Variants in RABL2B observed in about 807,000 individuals in gnomAD.
The protein encoded by RABL2B is rab-like protein 2B.
Under a neutral mutation model 26.7 loss-of-function variants are expected in RABL2B, and 17 were observed. The ratio of observed to expected loss-of-function variants is 0.64; its 90% CI spans 0.44 to 0.95. RABL2B has a LOEUF of 0.95. RABL2B is among the 40% of genes least tolerant of loss of function. The probability of loss-of-function intolerance (pLI) is 0.00; values close to 1 mark genes in which losing one functional copy is unlikely to be tolerated. For synonymous variants in RABL2B, 70 were observed against 103.9 expected (o/e 0.67, Z 1.99); for missense variants, 170 against 277.2 (o/e 0.61, Z 2.75).
chr22:50,777,127 A>G (rs1555924992), intron 3 of RABL2B, among the ~76,000 whole-genome samples: 1 of 152,232 alleles, frequency 6.6e-6, no homozygotes, highest in East Asian at 1.9e-4. Context: ...CTAGGTAGCA[A>G]CATGACCATT....
chr22:50,771,411 G>C (rs1555918483), intron 5 of RABL2B: 1 of 150,604 alleles, frequency 6.6e-6, no homozygotes. Flanking sequence ...GGAGTAGCTG[G>C]GATTACAGGT....
At chr22:50,781,359 A>C (rs2085835707) in intron 2 of RABL2B, among the ~76,000 whole-genome samples, 1 of 151,216 alleles carries the variant, frequency 6.6e-6, no homozygotes. Flanking sequence ...AAAAAAAAAA[A>C]AAACTAAACC....
chr22:50,771,746 C>G (rs1420053174), intron 5 of RABL2B: 1 of 149,172 alleles, frequency 6.7e-6, no homozygotes, highest in Non-Finnish European at 1.5e-5. Context: ...GTAGCTGGAA[C>G]TACAGGCACA....
intron 2 of RABL2B, among the ~76,000 whole-genome samples, chr22:50,779,389 T>C (rs868973976): frequency 2.0e-5 from 3 of 150,228 alleles, no homozygotes; most frequent in Middle Eastern, 3.4e-3. Flanking sequence ...CAAAAATATT[T>C]AGAGTAGGCA....
At chr22:50,772,242 T>A in intron 5 of RABL2B, 2 of 716,374 alleles carry the variant, frequency 2.8e-6, no homozygotes, top group Non-Finnish European at 3.4e-6. Context: ...TTGGTCAGGC[T>A]GGTCTCGAAC....
At chr22:50,780,522 T>C (rs1240602478) in intron 2 of RABL2B, 1 of 366,414 alleles carries the variant, frequency 2.7e-6, no homozygotes, top group Non-Finnish European at 5.6e-6. Context: ...TTAGCCCAAC[T>C]GAGTTTAGAT....
Position 50,768,787 on chromosome 22 carries a change from G to C in RABL2B, c.679C>G (p.Pro227Ala). The C allele has an allele frequency of 1.2e-6, 2 of 1,613,894 alleles. No individual in the cohort carries two copies. The highest frequency in any genetic ancestry group is 2.2e-5 in the South Asian group (2 of 91,074). The change falls in exon 9 of 9, where the codon CCC (proline) becomes GCC (alanine). Residue 227 changes from proline to alanine, a missense_variant. Coordinates refer to ENST00000691320, the MANE Select transcript of RABL2B (RefSeq NM_001130919.3). ...IETPSEEAASPHS is the reference protein window; with the variant it reads ...IETPSEEAASAHS ...CTAGCCCCAGCCCCTCAGCTGTGGGGAGAGGCCGCCTCCTCTGATGGGGTC... is the reference window on the plus strand; with the variant it reads ...CTAGCCCCAGCCCCTCAGCTGTGGGCAGAGGCCGCCTCCTCTGATGGGGTC...
intron 5 of RABL2B, among the ~76,000 whole-genome samples, chr22:50,775,518 CTACACCTG>C (rs1465507173): frequency 6.6e-6 from 1 of 152,180 alleles, no homozygotes; most frequent in African/African-American, 2.4e-5. Flanking sequence ...CTCTTGGATG[CTACACCTG>C]ATGTTGAAGC....
At position 50,769,068 on chromosome 22, in the gene RABL2B, G is replaced by A. The variant is rs2083757680; in HGVS notation, c.564C>T (p.Phe188=). The change falls in exon 8 of 9, where the codon TTC becomes TTT. Residue 188 remains phenylalanine, a synonymous_variant. Transcript: ENST00000691320. ...CGAGCTCCTGAAAAATCTCATCCAT[G>A]AAGTCCTGGGAGTTCTGTTTGTAAG... ...AVSYKQNSQD[F]MDEIFQELEN... The A allele has an allele frequency of 2.0e-6, 2 of 982,782 alleles. No individual in the cohort carries two copies. The highest frequency in any genetic ancestry group is 3.0e-6 in the Non-Finnish European group (2 of 661,478). The allele number at this position is 982,782 out of a possible 1,614,324, so 60.9% of individuals were successfully genotyped here. A position where few individuals can be genotyped will look rare whatever the true frequency, so the allele number is the denominator to read the frequency against.
rs2083621243 is a variant in RABL2B, at chr22:50,767,878, T to G, written c.*898A>C. On this transcript the variant is annotated 3_prime_UTR_variant, in exon 9 of 9. Transcript: ENST00000691320. ...ACCTGCTGTTCCTGTGATCTCAGCT[T>G]TACCTAGAAGAGCTCCTGAAACAGA... 1 of 384,480 alleles carries G rather than the reference T, an allele frequency of 2.6e-6. No homozygotes were observed. Among genetic ancestry groups the G allele is most frequent in the Admixed American group, 3.4e-5 (1 of 29,188 alleles). 23.8% of individuals were successfully genotyped at this position (384,480 alleles called of 1,614,324 possible).
intron 5 of RABL2B, among the ~76,000 whole-genome samples, chr22:50,774,787 G>GT (rs1199385364): frequency 4.4e-4 from 67 of 151,614 alleles, no homozygotes; most frequent in Non-Finnish European, 5.3e-4. Flanking sequence ...GAAAATGTGG[G>GT]TTTTTTTTAG....
Position 50,777,853 on chromosome 22 carries a change from T to G in RABL2B, c.137+99A>C. The G allele has an allele frequency of 3.1e-6, 5 of 1,592,048 alleles. 1 individual carries two copies. In the Admixed American group the frequency reaches 8.4e-5, roughly 27 times the overall value. On this transcript the variant is annotated intron_variant, in intron 3 of 8. Coordinates refer to ENST00000691320, the MANE Select transcript of RABL2B (RefSeq NM_001130919.3). Reference sequence around the variant, plus strand: ...GTGCGTTCACTTACCCAATCCTCCTTCCTGGGCTGCTGGTACAAAGGTGTG... The same window carrying G: ...GTGCGTTCACTTACCCAATCCTCCTGCCTGGGCTGCTGGTACAAAGGTGTG...
Position 50,769,423 on chromosome 22 carries a change from A to C in RABL2B, c.507+32T>G, listed in dbSNP as rs2083802831. 7 of 1,609,964 alleles carry C rather than the reference A, an allele frequency of 4.3e-6. No homozygotes were observed. In the African/African-American group the frequency reaches 8.1e-5, roughly 19 times the overall value. On this transcript the variant is annotated intron_variant, in intron 7 of 8. Coordinates refer to ENST00000691320, the MANE Select transcript of RABL2B (RefSeq NM_001130919.3). ...CTTCCCTTTACCACCTAGCGCCCTG[A>C]CCTTGCTAGCTACCTCTGCAGTCAA... is the stretch of plus-strand genomic sequence containing the variant.
intron 2 of RABL2B, 104 bp from the exon 3 acceptor site, chr22:50,778,085 C>T: frequency 6.6e-7 from 1 of 1,521,184 alleles, no homozygotes; most frequent in East Asian, 2.3e-5. Context: ...CTGTGGCTTC[C>T]CTTCCCCCTT....
Position 50,781,473 on chromosome 22 carries a change from G to C in RABL2B, c.107+715C>G, listed in dbSNP as rs541877974. ...GGCCTAAAAACCAGCAAAGCCCCCA[G>C]AGAATTATTCACAGCTACCTGAGTC... is the stretch of plus-strand genomic sequence containing the variant. On this transcript the variant is annotated intron_variant, in intron 2 of 8. Coordinates refer to ENST00000691320, the MANE Select transcript of RABL2B (RefSeq NM_001130919.3). 5.3e-5 allele frequency among the ~76,000 whole-genome samples: 8 copies of C among 151,546 alleles called. No homozygotes were observed. In the South Asian group the frequency reaches 1.7e-3, roughly 32 times the overall value.
chr22:50,780,529 A>G lies in RABL2B; in HGVS notation c.107+1659T>C, dbSNP rs116323389. 7.7e-3 allele frequency: 2,834 copies of G among 369,662 alleles called. 80 individuals are homozygous for G. Among genetic ancestry groups the G allele is most frequent in the African/African-American group, 0.058 (2,649 of 46,044 alleles). The allele number at this position is 369,662 out of a possible 1,614,324, so 22.9% of individuals were successfully genotyped here. Reference sequence around the variant, plus strand: ...TGGGTGTTTTAGCCCAACTGAGTTTAGATTCATAGGTTAGAGACACTGAAA... The same window carrying G: ...TGGGTGTTTTAGCCCAACTGAGTTTGGATTCATAGGTTAGAGACACTGAAA... On this transcript the variant is annotated intron_variant, in intron 2 of 8. Coordinates refer to ENST00000691320, the MANE Select transcript of RABL2B (RefSeq NM_001130919.3).
chr22:50,777,170 T>A (rs1555925025), intron 3 of RABL2B, among the ~76,000 whole-genome samples: 1 of 152,206 alleles, frequency 6.6e-6, no homozygotes, highest in East Asian at 1.9e-4. Context: ...GCCATACAGC[T>A]GACAAGCTGT....
intron 5 of RABL2B, among the ~76,000 whole-genome samples, chr22:50,773,947 T>C (rs1265142215): frequency 2.6e-5 from 4 of 151,934 alleles, no homozygotes; most frequent in African/African-American, 9.7e-5. Context: ...GAGGCTGGAG[T>C]GCAGTGGCGT....
Position 50,774,939 on chromosome 22 carries a change from G to A in RABL2B, c.297+833C>T, listed in dbSNP as rs564749710. 3.3e-5 allele frequency among the ~76,000 whole-genome samples: 5 copies of A among 152,174 alleles called. No homozygotes were observed. The East Asian group carries it at 5.8e-4, about 18-fold the overall frequency. ...ATTACAGGCACCCGCCACCATGCCC[G>A]GCTAATTTTTTGTATTTTTAGTAGA... On this transcript the variant is annotated intron_variant, in intron 5 of 8. Transcript: ENST00000691320.
Sources: gnomAD v4.1 joint callset for allele counts (sites outside exome capture counted in the v4.1 genomes callset) on GRCh38, gnomAD v4.1.1 for gene constraint, MANE v1.5 for transcripts, NCBI Gene and HGNC (gene_info 2026-07-23, HGNC 2026-07-21) for gene names.